Variants in RNMT observed in about 807,000 individuals in gnomAD.
RNMT encodes RNA guanine-7 methyltransferase, also known as mRNA cap guanine-N(7) methyltransferase.
RNMT carries 27 observed loss-of-function variants against 56.0 expected under a neutral mutation model. That is an observed-to-expected ratio of 0.48 (90% CI 0.36 to 0.67). The LOEUF (loss-of-function observed/expected upper bound fraction) is 0.67, where lower values mean the gene tolerates loss of function less well. RNMT is among the 30% of genes least tolerant of loss of function. RNMT has a pLI of 0.00. For synonymous variants in RNMT, 184 were observed against 176.2 expected (o/e 1.04, Z -0.35); for missense variants, 519 against 552.1 (o/e 0.94, Z 0.60).
intron 1 of RNMT, among the ~76,000 whole-genome samples, chr18:13,729,343 G>A (rs2044029127): frequency 6.6e-6 from 1 of 152,216 alleles, no homozygotes; most frequent in East Asian, 1.9e-4. Context: ...TTTTTATTAT[G>A]TCACATCTGT....
chr18:13,732,741 C>CTT (rs1255778917), intron 3 of RNMT, among the ~76,000 whole-genome samples: 510 of 27,646 alleles, frequency 0.018, 3 homozygotes, highest in Non-Finnish European at 0.03. Flanking sequence ...GGGAGCCCCC[C>CTT]CTTTTTTTTT....
In RNMT at chr18:13,761,297, T is replaced by C. The variant is rs567594701; in HGVS notation, c.*1318T>C. On this transcript the variant is annotated 3_prime_UTR_variant, in exon 12 of 12. Transcript: ENST00000383314. Reference sequence around the variant, plus strand: ...ATAAGTCTTTTTGCCTTAAGTCATTTTGGAAATAAGTAATACTGCATCTGA... The same window carrying C: ...ATAAGTCTTTTTGCCTTAAGTCATTCTGGAAATAAGTAATACTGCATCTGA... 1.2e-5 allele frequency: 12 copies of C among 985,428 alleles called. 1 individual carries two copies. The South Asian group carries it at 5.6e-4, about 46-fold the overall frequency. 61.0% of individuals were successfully genotyped at this position (985,428 alleles called of 1,614,324 possible). A position where few individuals can be genotyped will look rare whatever the true frequency, so the allele number is the denominator to read the frequency against.
chr18:13,727,424 A>G (rs981070850), intron 1 of RNMT, among the ~76,000 whole-genome samples: 5 of 152,124 alleles, frequency 3.3e-5, no homozygotes, highest in African/African-American at 4.8e-5. Context: ...GAGTGTTTTC[A>G]TTATTCCACT....
Position 13,763,171 on chromosome 18 carries a change from A to G in RNMT, c.*3192A>G, listed in dbSNP as rs1388865692. ...TTAGAACCTCCCTAGTTGCTGCTAT[A>G]TCAAACACTGCACACTTGACAAGTG... On this transcript the variant is annotated 3_prime_UTR_variant, in exon 12 of 12. Coordinates refer to ENST00000383314, the MANE Select transcript of RNMT (RefSeq NM_003799.3). 3 of 455,756 alleles carry G rather than the reference A, an allele frequency of 6.6e-6. No individual in the cohort carries two copies. The highest frequency in any genetic ancestry group is 8.8e-6 in the Non-Finnish European group (2 of 226,676). 28.2% of individuals were successfully genotyped at this position (455,756 alleles called of 1,614,324 possible).
At chr18:13,734,750 TTTAA>T (rs1271770680) in intron 4 of RNMT, 151 bp downstream of exon 4, 6 of 636,328 alleles carry the variant, frequency 9.4e-6, no homozygotes, top group African/African-American at 1.9e-5. Context: ...TTAATGAGTG[TTTAA>T]TTATTATGTT....
At chr18:13,734,409 C>T in intron 3 of RNMT, 55 bp from the exon 4 acceptor site, 1 of 1,514,424 alleles carries the variant, frequency 6.6e-7, no homozygotes, top group Non-Finnish European at 8.9e-7. Context: ...TGTTCTGAGG[C>T]TTATTTTTAC....
intron 3 of RNMT, among the ~76,000 whole-genome samples, chr18:13,733,032 A>G (rs894379132): frequency 1.3e-5 from 2 of 152,048 alleles, no homozygotes; most frequent in African/African-American, 4.8e-5. Flanking sequence ...AAGTGCTGGG[A>G]TTACAGGCAT....
Position 13,762,395 on chromosome 18 carries a change from G to A in RNMT, c.*2416G>A, listed in dbSNP as rs1204326901. The A allele has an allele frequency of 6.3e-6, 3 of 475,552 alleles. No individual in the cohort carries two copies. Among genetic ancestry groups the A allele is most frequent in the Non-Finnish European group, 1.1e-5 (3 of 266,256 alleles). The allele number at this position is 475,552 out of a possible 1,614,324, so 29.5% of individuals were successfully genotyped here. On this transcript the variant is annotated 3_prime_UTR_variant, in exon 12 of 12. Transcript: ENST00000383314. ...CGTGTTCTAACCTGTGGAAAGTATT[G>A]CAATTCTGTGAGAGTGACTCTGCAG...
intron 9 of RNMT, among the ~76,000 whole-genome samples, chr18:13,750,268 T>C (rs552780636): frequency 9.2e-5 from 14 of 152,358 alleles, no homozygotes; most frequent in African/African-American, 3.4e-4. Context: ...CAGCGTTCTA[T>C]GTTGTCTTGA....
rs1182589756 is a variant in RNMT, at chr18:13,763,144, T to A, written c.*3165T>A. Reference sequence around the variant, plus strand: ...TCAAATAGGAAGTACAAGTGTGTGATGTTAGAACCTCCCTAGTTGCTGCTA... The same window carrying A: ...TCAAATAGGAAGTACAAGTGTGTGAAGTTAGAACCTCCCTAGTTGCTGCTA... On this transcript the variant is annotated 3_prime_UTR_variant, in exon 12 of 12. Transcript: ENST00000383314. The A allele has an allele frequency of 8.8e-6, 4 of 455,918 alleles. No homozygotes were observed. The East Asian group carries it at 2.8e-4, about 32-fold the overall frequency. The allele number at this position is 455,918 out of a possible 1,614,324, so 28.2% of individuals were successfully genotyped here.
At chr18:13,729,880 G>A (rs1215662111) in intron 1 of RNMT, among the ~76,000 whole-genome samples, 1 of 151,694 alleles carries the variant, frequency 6.6e-6, no homozygotes, top group East Asian at 1.9e-4. Flanking sequence ...GCTCACTGCA[G>A]CCTGGACCTC....
In RNMT at chr18:13,761,854, C is replaced by A; in HGVS notation, c.*1875C>A. Reference sequence around the variant, plus strand: ...CTCCACCACCCTACACCCCCCTCCCCCCGGCCCCAAGCCCCTGTGTCTCCT... The same window carrying A: ...CTCCACCACCCTACACCCCCCTCCCACCGGCCCCAAGCCCCTGTGTCTCCT... On this transcript the variant is annotated 3_prime_UTR_variant, in exon 12 of 12. Coordinates refer to ENST00000383314, the MANE Select transcript of RNMT (RefSeq NM_003799.3). The A allele has an allele frequency of 3.6e-6, 4 of 1,123,866 alleles. No individual in the cohort carries two copies. Among genetic ancestry groups the A allele is most frequent in the African/African-American group, 1.7e-5 (1 of 60,438 alleles). The allele number at this position is 1,123,866 out of a possible 1,614,324, so 69.6% of individuals were successfully genotyped here. A position where few individuals can be genotyped will look rare whatever the true frequency, so the allele number is the denominator to read the frequency against.
intron 7 of RNMT, 87 bp downstream of exon 7, chr18:13,741,778 G>A (rs1265525889): frequency 1.9e-5 from 16 of 828,316 alleles, no homozygotes; most frequent in African/African-American, 7.1e-5. Flanking sequence ...ATTAAAATAC[G>A]CTATTTTAAT....
chr18:13,743,334 AAATAAATAAATAAATAAAT>A (rs2044287599), intron 8 of RNMT, among the ~76,000 whole-genome samples: 1 of 22,004 alleles, frequency 4.5e-5, no homozygotes, highest in South Asian at 7.9e-4. Context: ...AAAAAAAAAT[AAATAAATAAATAAATAAAT>A]AAATAAATAA....
At chr18:13,749,754 G>A (rs942570290) in intron 9 of RNMT, among the ~76,000 whole-genome samples, 1 of 151,996 alleles carries the variant, frequency 6.6e-6, no homozygotes, top group African/African-American at 2.4e-5. Context: ...ACAGAGTCTC[G>A]CTCTGTCATC....
At chr18:13,738,103 A>G (rs1422310237) in intron 5 of RNMT, among the ~76,000 whole-genome samples, 1 of 152,110 alleles carries the variant, frequency 6.6e-6, no homozygotes, top group African/African-American at 2.4e-5. Flanking sequence ...TAAAAGAGAT[A>G]CATACCCCCA....
chr18:13,754,291 G>A (rs1465610583), intron 11 of RNMT, 144 bp downstream of exon 11: 9 of 536,760 alleles, frequency 1.7e-5, no homozygotes, highest in African/African-American at 3.9e-5. Flanking sequence ...CAGATTCCTC[G>A]AGCCCAGGAG....
In RNMT at chr18:13,760,155, G is replaced by GC. The variant is rs1362023692; in HGVS notation, c.*177dup. On this transcript the variant is annotated 3_prime_UTR_variant, in exon 12 of 12. Transcript: ENST00000383314. Reference sequence around the variant, plus strand: ...TGCTGTCTGTGACAGATGAACTTTTGCATGTGTATATAAGAATGAGTTGGG... The same window carrying GC: ...TGCTGTCTGTGACAGATGAACTTTTGCCATGTGTATATAAGAATGAGTTGGG... 2.8e-5 allele frequency: 38 copies of GC among 1,336,516 alleles called. No homozygotes were observed. In the African/African-American group the frequency reaches 5.3e-4, roughly 19 times the overall value. The allele number at this position is 1,336,516 out of a possible 1,614,324, so 82.8% of individuals were successfully genotyped here.
intron 1 of RNMT, among the ~76,000 whole-genome samples, chr18:13,727,155 C>T (rs1260693722): frequency 1.3e-5 from 2 of 152,232 alleles, no homozygotes; most frequent in Admixed American, 6.5e-5. Context: ...TCCTCTCGGG[C>T]CCCGTGGTAG....
Sources: allele counts gnomAD v4.1 joint callset (sites outside exome capture counted in the v4.1 genomes callset), GRCh38; gene constraint gnomAD v4.1.1; transcripts MANE v1.5; gene names NCBI Gene and HGNC (gene_info 2026-07-23, HGNC 2026-07-21).